Variants in INTS7 observed in about 807,000 individuals in gnomAD.
The protein encoded by INTS7 is integrator complex subunit 7.
A neutral mutation model predicts 109.2 loss-of-function variants in INTS7; 46 were observed. The observed-to-expected ratio is 0.42, with a 90% CI of 0.33 to 0.54. The LOEUF (loss-of-function observed/expected upper bound fraction) is 0.54. INTS7 is among the 20% of genes least tolerant of loss of function. INTS7 has a pLI of 0.07. For synonymous variants in INTS7, 412 were observed against 402.9 expected (o/e 1.02, Z -0.27); for missense variants, 929 against 1,132.4 (o/e 0.82, Z 2.58).
intron 16 of INTS7, among the ~76,000 whole-genome samples, chr1:211,962,713 G>C (rs1203211698): frequency 6.6e-6 from 1 of 152,044 alleles, no homozygotes; most frequent in Non-Finnish European, 1.5e-5. Context: ...TAGAAATCAA[G>C]ACCAAGAAAA....
Position 211,942,413 on chromosome 1 carries a change from G to A in INTS7, c.2602-302C>T, listed in dbSNP as rs1405187127. Among the ~76,000 whole-genome samples, 4 of 152,122 alleles carry A rather than the reference G, an allele frequency of 2.6e-5. No individual in the cohort carries two copies. Among genetic ancestry groups the A allele is most frequent in the Non-Finnish European group, 4.4e-5 (3 of 68,008 alleles). On this transcript the variant is annotated intron_variant, in intron 19 of 19. Transcript: ENST00000366994. This position sits in a 1 kb window ranked among gnomAD's most constrained non-coding sequence, Gnocchi z 4.2. Reference sequence around the variant, plus strand: ...TTGAGTAGAATGAGCTCCCAGAGCCGTTGACAGCCCCTTCACATGCTGGCC... The same window carrying A: ...TTGAGTAGAATGAGCTCCCAGAGCCATTGACAGCCCCTTCACATGCTGGCC...
intron 17 of INTS7, among the ~76,000 whole-genome samples, chr1:211,950,105 ATCTT>A (rs1262298020): frequency 6.6e-6 from 1 of 152,180 alleles, no homozygotes. Flanking sequence ...TGTTTATAAA[ATCTT>A]TCTTTCTTAG....
intron 16 of INTS7, 93 bp from the exon 17 acceptor site, chr1:211,952,794 A>AT: frequency 8.7e-7 from 1 of 1,145,108 alleles, no homozygotes; most frequent in East Asian, 2.6e-5. Context: ...TTTTCATTTA[A>AT]TTTTTAAAAT....
intron 7 of INTS7, among the ~76,000 whole-genome samples, chr1:211,995,689 T>C (rs1665349495): frequency 6.6e-6 from 1 of 152,244 alleles, no homozygotes; most frequent in Admixed American, 6.5e-5. Flanking sequence ...ATTCCTATGC[T>C]GAAATCCTAA....
At chr1:211,991,699 A>C (rs767799740) in intron 7 of INTS7, among the ~76,000 whole-genome samples, 21 of 152,268 alleles carry the variant, frequency 1.4e-4, no homozygotes, top group Non-Finnish European at 2.5e-4. Context: ...AGCAATGTAG[A>C]AGCTCAGGTA....
At chr1:212,009,313 C>G (rs1408439224) in intron 5 of INTS7, among the ~76,000 whole-genome samples, 1 of 152,102 alleles carries the variant, frequency 6.6e-6, no homozygotes. Flanking sequence ...TAATGTATTT[C>G]TACATATGTA....
intron 16 of INTS7, among the ~76,000 whole-genome samples, chr1:211,957,438 C>G (rs958341934): frequency 2.6e-5 from 4 of 151,944 alleles, no homozygotes; most frequent in African/African-American, 9.7e-5. Flanking sequence ...CCCAGCTACT[C>G]GGGAGGCTGA....
rs1293047428 is a variant in INTS7 at position 211,941,188 on chromosome 1, C to G, written c.*636G>C. ...CAATGAACAACTCAGAATCCTAGGT[C>G]TAAGTCAGGCAGCAAATGATGTATT... On this transcript the variant is annotated 3_prime_UTR_variant, in exon 20 of 20. Coordinates refer to ENST00000366994, the MANE Select transcript of INTS7 (RefSeq NM_015434.4). 1 of 152,340 alleles carries G rather than the reference C, an allele frequency of 6.6e-6. No individual in the cohort carries two copies. The highest frequency in any genetic ancestry group is 1.9e-4 in the East Asian group (1 of 5,202). The allele number at this position is 152,340 out of a possible 1,614,324, so 9.4% of individuals were successfully genotyped here.
At chr1:211,945,588 A>C (rs1210380356) in intron 18 of INTS7, among the ~76,000 whole-genome samples, 1 of 152,166 alleles carries the variant, frequency 6.6e-6, no homozygotes, top group Non-Finnish European at 1.5e-5. Context: ...CTACTGATCA[A>C]CCCTGGAGAC....
At chr1:212,017,975 GAA>G (rs1406111454) in intron 3 of INTS7, among the ~76,000 whole-genome samples, 1 of 152,114 alleles carries the variant, frequency 6.6e-6, no homozygotes, top group Non-Finnish European at 1.5e-5. Context: ...TATTATACCA[GAA>G]AAGATTAGAC....
At chr1:211,979,938 T>C (rs569386338) in intron 10 of INTS7, among the ~76,000 whole-genome samples, 1 of 152,342 alleles carries the variant, frequency 6.6e-6, no homozygotes, top group East Asian at 1.9e-4. Context: ...TGTGTTCCGC[T>C]TGGTATTATA....
At chr1:212,000,963 T>C (rs1665640761) in intron 7 of INTS7, among the ~76,000 whole-genome samples, 2 of 151,572 alleles carry the variant, frequency 1.3e-5, no homozygotes, top group Non-Finnish European at 2.9e-5. Context: ...GTCATTTCCA[T>C]CAATAAAAAA....
Position 211,984,518 on chromosome 1 carries a change from T to C in INTS7, c.998-1708A>G, listed in dbSNP as rs76410342. On this transcript the variant is annotated intron_variant, in intron 8 of 19. Transcript: ENST00000366994. ...CTCACATATAATCAGGATATGTAGA[T>C]ACTGGCCAATATTCTGCTTTTAAAA... Among the ~76,000 whole-genome samples the C allele has an allele frequency of 4.3e-3, 654 of 152,310 alleles. 3 individuals carry two copies. Among genetic ancestry groups the C allele is most frequent in the African/African-American group, 0.015 (623 of 41,584 alleles).
chr1:211,986,702 A>C (rs1664909858), intron 8 of INTS7, among the ~76,000 whole-genome samples: 1 of 152,070 alleles, frequency 6.6e-6, no homozygotes, highest in South Asian at 2.1e-4. Context: ...CCATATCCCC[A>C]TTCTCTCATA....
Position 212,018,204 on chromosome 1 carries a change from C to G in INTS7, c.372-1181G>C, listed in dbSNP as rs11119835. On this transcript the variant is annotated intron_variant, in intron 3 of 19. Transcript: ENST00000366994. ...TTCTTGGCTCAATTTTCCTTTAATA[C>G]TTATTGCATCAAGTGTTACTGTAGA... 8.0e-3 allele frequency among the ~76,000 whole-genome samples: 1,211 copies of G among 152,216 alleles called. 17 individuals carry two copies. The highest frequency in any genetic ancestry group is 0.027 in the African/African-American group (1,138 of 41,534).
At position 211,959,712 on chromosome 1, in the gene INTS7, GAAC is replaced by G. The variant is rs1165812825; in HGVS notation, c.2183+6715_2183+6717del. Among the ~76,000 whole-genome samples the G allele has an allele frequency of 6.6e-6, 1 of 152,128 alleles. No individual in the cohort carries two copies. Among genetic ancestry groups the G allele is most frequent in the East Asian group, 1.9e-4 (1 of 5,192 alleles). ...TTGCCCTGGGAGTGAAACCAGGCGT[GAAC>G]AACAATGGACCTTCCCCTGCCCTAA... On this transcript the variant is annotated intron_variant, in intron 16 of 19. Transcript: ENST00000366994. This position sits in a 1 kb window ranked among gnomAD's most constrained non-coding sequence, Gnocchi z 4.2.
At chr1:211,975,568 T>C (rs568457495) in intron 12 of INTS7, among the ~76,000 whole-genome samples, 196 bp from the exon 13 acceptor site, 1 of 152,356 alleles carries the variant, frequency 6.6e-6, no homozygotes, top group East Asian at 1.9e-4. Flanking sequence ...GTTGCTTTTA[T>C]GTAACATAAT....
intron 16 of INTS7, among the ~76,000 whole-genome samples, chr1:211,957,923 G>A (rs904619408): frequency 1.3e-5 from 2 of 151,720 alleles, no homozygotes; most frequent in Non-Finnish European, 2.9e-5. Flanking sequence ...CAGTTTATCA[G>A]AAGTTACTGT....
chr1:212,028,205 T>C (rs1400739952), intron 1 of INTS7, among the ~76,000 whole-genome samples: 2 of 152,196 alleles, frequency 1.3e-5, no homozygotes, highest in Non-Finnish European at 2.9e-5. Context: ...ATACTGGAGT[T>C]AGAAAACTAC....
Sources: allele counts gnomAD v4.1 joint callset (sites outside exome capture counted in the v4.1 genomes callset), GRCh38; gene constraint gnomAD v4.1.1; non-coding constraint Gnocchi (gnomAD v3.1); transcripts MANE v1.5; gene names NCBI Gene and HGNC (gene_info 2026-07-23, HGNC 2026-07-21).